Variants in RPS6KA2 observed in about 807,000 individuals in gnomAD.
The protein encoded by RPS6KA2 is ribosomal protein S6 kinase alpha-2.
A neutral mutation model predicts 91.8 loss-of-function variants in RPS6KA2; 42 were observed. That is an observed-to-expected ratio of 0.46 (90% CI 0.36 to 0.59). The LOEUF (loss-of-function observed/expected upper bound fraction) is 0.59, where lower values mean the gene tolerates loss of function less well. RPS6KA2 is among the 20% of genes least tolerant of loss of function. RPS6KA2 has a pLI of 0.00. For synonymous variants in RPS6KA2, 414 were observed against 393.6 expected (o/e 1.05, Z -0.61); for missense variants, 798 against 978.5 (o/e 0.82, Z 2.46).
intron 16 of RPS6KA2, among the ~76,000 whole-genome samples, chr6:166,426,097 A>C (rs1253928484): frequency 6.6e-6 from 1 of 152,176 alleles, no homozygotes; most frequent in Non-Finnish European, 1.5e-5. Context: ...ATTATAACAA[A>C]CTATCTCTCA....
chr6:166,539,645 G>C (rs1241954264), intron 1 of RPS6KA2, among the ~76,000 whole-genome samples: 33 of 152,238 alleles, frequency 2.2e-4, no homozygotes, highest in Non-Finnish European at 1.5e-5. Flanking sequence ...CCCTGTAGGA[G>C]AAAGAGTCTA....
At chr6:166,756,275 G>A (rs1302730281) in intron 2 of RPS6KA2, among the ~76,000 whole-genome samples, 3 of 152,070 alleles carry the variant, frequency 2.0e-5, no homozygotes, top group Non-Finnish European at 2.9e-5. Flanking sequence ...GGGCAACAGA[G>A]CGAGACTCCG....
At chr6:166,856,829 T>C (rs1030979590) in intron 2 of RPS6KA2, among the ~76,000 whole-genome samples, 1 of 152,096 alleles carries the variant, frequency 6.6e-6, no homozygotes, top group African/African-American at 2.4e-5. Flanking sequence ...TTCAGGAGAG[T>C]CACTGCCTCA....
intron 1 of RPS6KA2, among the ~76,000 whole-genome samples, chr6:166,545,227 G>A (rs745532259): frequency 6.6e-6 from 1 of 152,246 alleles, no homozygotes; most frequent in Non-Finnish European, 1.5e-5. Context: ...AATGGATGCC[G>A]CAGAATCCGC....
In RPS6KA2 at chr6:166,858,716, T is replaced by C. The variant is rs118076986; in HGVS notation, c.64-457A>G. On this transcript the variant is annotated intron_variant, in intron 1 of 21. Coordinates refer to the RPS6KA2 transcript ENST00000503859. Reference sequence around the variant, plus strand: ...CAGTCCCAAGTGAGTGCTGGGAGAATGGATTCTAGCAGAGAAATGAGGCCC... The same window carrying C: ...CAGTCCCAAGTGAGTGCTGGGAGAACGGATTCTAGCAGAGAAATGAGGCCC... 1.9e-3 allele frequency among the ~76,000 whole-genome samples: 291 copies of C among 152,318 alleles called. 1 individual carries two copies. The highest frequency in any genetic ancestry group is 3.1e-3 in the Non-Finnish European group (211 of 68,028).
At chr6:166,502,825 G>C (rs1583213744) in intron 6 of RPS6KA2, among the ~76,000 whole-genome samples, 1 of 152,198 alleles carries the variant, frequency 6.6e-6, no homozygotes, top group Admixed American at 6.5e-5. Context: ...CTGCTCTTGT[G>C]GGGAGACAGC....
chr6:166,561,323 T>C (rs1469697823), intron 1 of RPS6KA2, among the ~76,000 whole-genome samples: 5 of 152,050 alleles, frequency 3.3e-5, no homozygotes, highest in African/African-American at 1.2e-4. Flanking sequence ...CCCTGCTTTG[T>C]CCCCGATACC....
rs1181142968 is a variant in RPS6KA2 at position 166,504,628 on chromosome 6, C to T, written c.460-16G>A. The T allele has an allele frequency of 6.6e-7, 1 of 1,516,280 alleles. No individual in the cohort carries two copies. The highest frequency in any genetic ancestry group is 1.2e-5 in the South Asian group (1 of 85,138). The allele number at this position is 1,516,280 out of a possible 1,614,324, so 93.9% of individuals were successfully genotyped here. On this transcript the variant is annotated splice_polypyrimidine_tract_variant and intron_variant, in intron 5 of 20. Transcript: ENST00000265678. ...TGAACATGACCTAGTAAGAAAAAAA[C>T]AAAAACAAAAACAAAAAACGTTTAA...
At chr6:166,546,817 T>C (rs1027429742) in intron 1 of RPS6KA2, among the ~76,000 whole-genome samples, 3 of 152,350 alleles carry the variant, frequency 2.0e-5, no homozygotes, top group East Asian at 3.9e-4. Context: ...AATAAGTTGA[T>C]GGCTGCGATG....
chr6:166,466,421 A>G (rs1780524003), intron 11 of RPS6KA2, among the ~76,000 whole-genome samples: 1 of 152,248 alleles, frequency 6.6e-6, no homozygotes, highest in Non-Finnish European at 1.5e-5. Context: ...CTTCTGGGCC[A>G]TGCATACTTT....
At chr6:166,624,789 T>C (rs913081665) in intron 1 of RPS6KA2, among the ~76,000 whole-genome samples, 4 of 152,072 alleles carry the variant, frequency 2.6e-5, no homozygotes, top group African/African-American at 7.2e-5. Context: ...TATCAAATAA[T>C]AGAAAGCTGG....
chr6:166,618,151 A>G (rs939668886), intron 1 of RPS6KA2, among the ~76,000 whole-genome samples: 11 of 152,228 alleles, frequency 7.2e-5, no homozygotes, highest in African/African-American at 2.4e-4. Flanking sequence ...TGTTCCCACC[A>G]TGGGTGGCCA....
intron 1 of RPS6KA2, among the ~76,000 whole-genome samples, chr6:166,552,155 C>T (rs2128501336): frequency 6.6e-6 from 1 of 152,336 alleles, no homozygotes; most frequent in East Asian, 1.9e-4. Context: ...AACTCAGGGG[C>T]TGTGCATGGA....
At position 166,533,578 on chromosome 6, in the gene RPS6KA2, C is replaced by T. The variant is rs902566652; in HGVS notation, c.217-2265G>A. Among the ~76,000 whole-genome samples the T allele has an allele frequency of 1.1e-4, 16 of 152,308 alleles. No individual in the cohort carries two copies. The highest frequency in any genetic ancestry group is 6.2e-4 in the South Asian group (3 of 4,830). ...TAGGCAATGAAGAGCAGGTGCAAAA[C>T]GTTCCAGCTGCCACTCCCTGCTGTG... On this transcript the variant is annotated intron_variant, in intron 2 of 20. Transcript: ENST00000265678. This position sits in a 1 kb window ranked among gnomAD's most constrained non-coding sequence, Gnocchi z 4.0.
chr6:166,573,703 A>C (rs1784756920), intron 1 of RPS6KA2, among the ~76,000 whole-genome samples: 1 of 152,176 alleles, frequency 6.6e-6, no homozygotes, highest in Non-Finnish European at 1.5e-5. Context: ...GTAAACACCG[A>C]GGTTCTCTTC....
chr6:166,636,158 G>A (rs1787236355), intron 2 of RPS6KA2, among the ~76,000 whole-genome samples: 1 of 151,842 alleles, frequency 6.6e-6, no homozygotes, highest in Admixed American at 6.6e-5. Flanking sequence ...CACCAGCCTG[G>A]CCTTCCCTTC....
At chr6:166,699,758 C>A (rs1222137475) in intron 2 of RPS6KA2, among the ~76,000 whole-genome samples, 2 of 152,178 alleles carry the variant, frequency 1.3e-5, no homozygotes, top group African/African-American at 2.4e-5. Context: ...AAAAACTTGT[C>A]TTGTATTCTC....
Position 166,765,363 on chromosome 6 carries a change from C to G in RPS6KA2, c.123+92837G>C, listed in dbSNP as rs762236412. Among the ~76,000 whole-genome samples the G allele has an allele frequency of 3.3e-5, 5 of 152,192 alleles. 1 individual carries two copies. The highest frequency in any genetic ancestry group is 4.8e-5 in the African/African-American group (2 of 41,440). The stretch of plus-strand genomic sequence containing the variant: ...GACGCGTGGTGACGACCCACGGCCA[C>G]GAGCACAGCCAGCCCTCCTTAGCCA... On this transcript the variant is annotated intron_variant, in intron 2 of 21. Coordinates refer to the RPS6KA2 transcript ENST00000503859.
intron 2 of RPS6KA2, among the ~76,000 whole-genome samples, chr6:166,676,071 T>A (rs1259689858): frequency 6.6e-6 from 1 of 152,052 alleles, no homozygotes; most frequent in East Asian, 1.9e-4. Flanking sequence ...ATCCCAGCAC[T>A]TTGGGAGGCC....
Sources: allele counts gnomAD v4.1 joint callset (sites outside exome capture counted in the v4.1 genomes callset), GRCh38; gene constraint gnomAD v4.1.1; non-coding constraint Gnocchi (gnomAD v3.1); transcripts MANE v1.5; gene names NCBI Gene and HGNC (gene_info 2026-07-23, HGNC 2026-07-21).